ZFP64: variants seen among roughly 807,000 people sequenced by gnomAD.
ZFP64 encodes the protein ZFP64 zinc finger protein.
Under a neutral mutation model 51.6 loss-of-function variants are expected in ZFP64, and 14 were observed. That is an observed-to-expected ratio of 0.27 (90% CI 0.18 to 0.42). The LOEUF (loss-of-function observed/expected upper bound fraction) is 0.42. ZFP64 is among the 10% of genes least tolerant of loss of function. ZFP64 has a pLI of 1.00. For synonymous variants in ZFP64, 375 were observed against 361.4 expected (o/e 1.04, Z -0.43); for missense variants, 754 against 906.8 (o/e 0.83, Z 2.16).
chr20:52,105,017 GAC>G, intron 5 of ZFP64: 1 of 1,243,886 alleles, frequency 8.0e-7, no homozygotes, highest in African/African-American at 1.5e-5. Flanking sequence ...CTCTGCGCCG[GAC>G]GCTTCGCCCG....
At chr20:52,112,111 A>ACAC (rs1568952913) in intron 5 of ZFP64, among the ~76,000 whole-genome samples, 12 of 147,522 alleles carry the variant, frequency 8.1e-5, no homozygotes, top group African/African-American at 2.7e-4. Context: ...CAAAAAAAAA[A>ACAC]CAAGAATCCC....
In ZFP64 at chr20:52,104,818, C is replaced by G. The variant is rs778892459; in HGVS notation, c.764-6231G>C. The G allele has an allele frequency of 9.8e-6, 6 of 615,206 alleles. No homozygotes were observed. In the East Asian group the frequency reaches 2.2e-4, roughly 22 times the overall value. The allele number at this position is 615,206 out of a possible 1,614,324, so 38.1% of individuals were successfully genotyped here. On this transcript the variant is annotated intron_variant, in intron 5 of 8. Coordinates refer to the ZFP64 transcript ENST00000361387. ...CAAGGAGGCCGGAGACTCGGGTGCCCGCGCATCCCGAAAACAGCCTCTGAG... is the reference window on the plus strand; with the variant it reads ...CAAGGAGGCCGGAGACTCGGGTGCCGGCGCATCCCGAAAACAGCCTCTGAG...
At chr20:52,105,100 C>G (rs998473525) in intron 5 of ZFP64, 2 of 1,393,540 alleles carry the variant, frequency 1.4e-6, no homozygotes, top group Non-Finnish European at 1.8e-6. Context: ...CGGCCCCCAG[C>G]CCCCGGGCGG....
chr20:52,165,078 T>C (rs772497347), intron 3 of ZFP64: 23 of 496,788 alleles, frequency 4.6e-5, no homozygotes, highest in South Asian at 2.9e-4. Flanking sequence ...CTGTTCTTGA[T>C]TAGAGGAAAT....
chr20:52,124,796 G>GT lies in ZFP64; in HGVS notation c.764-26210dup, dbSNP rs572670040. Among the ~76,000 whole-genome samples, 25 of 151,918 alleles carry GT rather than the reference G, an allele frequency of 1.6e-4. No homozygotes were observed. The East Asian group carries it at 4.7e-3, about 28-fold the overall frequency. On this transcript the variant is annotated intron_variant, in intron 5 of 8. Coordinates refer to the ZFP64 transcript ENST00000361387. ...ATTTTCTTTTTTTTTTAGAGACAGG[G>GT]TTTTTCCATGTTGCCCAGGCTGGTC...
In ZFP64 at chr20:52,152,972, T is replaced by G. The variant is rs1600761172; in HGVS notation, c.1220A>C (p.Asp407Ala). Residue 407 changes from aspartate (D) to alanine (A), a missense_variant, in exon 6 of 6, where the codon GAC (aspartate) becomes GCC (alanine). Transcript: ENST00000216923. ...MVKTEALERK[D>A]TGRQSSRQVA... Reference sequence around the variant, plus strand: ...CTGCCGGCTGCTCTGCCTGCCGGTGTCCTTCCTCTCTAGAGCCTCAGTCTT... The same window carrying G: ...CTGCCGGCTGCTCTGCCTGCCGGTGGCCTTCCTCTCTAGAGCCTCAGTCTT... 1 of 1,613,880 alleles carries G rather than the reference T, an allele frequency of 6.2e-7. No homozygotes were observed.
chr20:52,121,542 G>A (rs1019026258), intron 5 of ZFP64, among the ~76,000 whole-genome samples: 19 of 152,206 alleles, frequency 1.2e-4, no homozygotes, highest in Non-Finnish European at 2.4e-4. Context: ...AGAGAGGTGA[G>A]GAAGCTGCAG....
At chr20:52,110,955 C>CCTG (rs1182996742) in intron 5 of ZFP64, 1 of 1,548,248 alleles carries the variant, frequency 6.5e-7, no homozygotes, top group African/African-American at 1.4e-5. Flanking sequence ...GGGTGTTGAA[C>CCTG]TTCACCAAGA....
chr20:52,158,033 T>C (rs908581943), intron 5 of ZFP64, among the ~76,000 whole-genome samples: 1 of 152,194 alleles, frequency 6.6e-6, no homozygotes, highest in Non-Finnish European at 1.5e-5. Context: ...TATTCCACAG[T>C]GTATATGTGC....
chr20:52,141,770 A>G (rs1980266762), intron 5 of ZFP64, among the ~76,000 whole-genome samples: 1 of 152,240 alleles, frequency 6.6e-6, no homozygotes, highest in African/African-American at 2.4e-5. Flanking sequence ...TTGATTAGGC[A>G]GTGTCAGGTT....
At chr20:52,171,551 G>A (rs574863578) in intron 2 of ZFP64, among the ~76,000 whole-genome samples, 11 of 151,802 alleles carry the variant, frequency 7.2e-5, no homozygotes, top group Middle Eastern at 6.8e-3. Flanking sequence ...GTGCAACGGC[G>A]CCATCTTGGC....
chr20:52,118,264 T>C (rs1978984276), intron 5 of ZFP64, among the ~76,000 whole-genome samples: 1 of 139,302 alleles, frequency 7.2e-6, no homozygotes, highest in Non-Finnish European at 1.6e-5. Flanking sequence ...TGAAATTTGG[T>C]GGAGGAGGAT....
chr20:52,181,799 AG>A, intron 2 of ZFP64, among the ~76,000 whole-genome samples: 1 of 152,230 alleles, frequency 6.6e-6, no homozygotes, highest in Non-Finnish European at 1.5e-5. Context: ...ACAAGCTCCC[AG>A]GGGATCTTGG....
At chr20:52,123,296 T>C (rs545048655) in intron 5 of ZFP64, among the ~76,000 whole-genome samples, 1 of 152,344 alleles carries the variant, frequency 6.6e-6, no homozygotes, top group East Asian at 1.9e-4. Context: ...CATGAGCTGC[T>C]GCGCCCAGCA....
chr20:52,158,128 A>T (rs147551559), intron 5 of ZFP64, among the ~76,000 whole-genome samples: 1 of 152,222 alleles, frequency 6.6e-6, no homozygotes, highest in Non-Finnish European at 1.5e-5. Flanking sequence ...TGCAATAAAC[A>T]TATGTGTGCA....
At chr20:52,185,947 C>T (rs6063761) in intron 2 of ZFP64, among the ~76,000 whole-genome samples, 1 of 152,226 alleles carries the variant, frequency 6.6e-6, no homozygotes, top group African/African-American at 2.4e-5. Context: ...GGATTTAGGC[C>T]TTAATCATAT....
Position 52,152,746 on chromosome 20 carries a change from C to A in ZFP64, c.1446G>T (p.Val482=). 1 of 1,584,764 alleles carries A rather than the reference C, an allele frequency of 6.3e-7. No individual in the cohort carries two copies. Among genetic ancestry groups the A allele is most frequent in the South Asian group, 1.2e-5 (1 of 86,010 alleles). ...GGGGCACTTGGCTGGGCTGGAGGGG[C>A]ACCTGGAGGTGTCCCACAGTGAGGG... is the stretch of plus-strand genomic sequence containing the variant. The part of the protein sequence containing the change: ...ATPLTVGHLQ[V]PLQPSQVPQF... The change falls in exon 6 of 6, where the codon GTG becomes GTT. Residue 482 remains valine (V), a synonymous_variant. Transcript: ENST00000216923.
intron 5 of ZFP64, among the ~76,000 whole-genome samples, chr20:52,155,209 G>A (rs1429912948): frequency 2.0e-5 from 3 of 152,186 alleles, no homozygotes; most frequent in Admixed American, 6.5e-5. Context: ...GAGTGTAAAA[G>A]ATATTTGCTC....
chr20:52,141,192 C>T (rs1980239063), intron 5 of ZFP64, among the ~76,000 whole-genome samples: 1 of 152,178 alleles, frequency 6.6e-6, no homozygotes, highest in South Asian at 2.1e-4. Flanking sequence ...TGTTTTCATG[C>T]CTGCTAACAT....
Sources: allele counts gnomAD v4.1 joint callset (sites outside exome capture counted in the v4.1 genomes callset), GRCh38; gene constraint gnomAD v4.1.1; transcripts MANE v1.5; gene names NCBI Gene and HGNC (gene_info 2026-07-23, HGNC 2026-07-21).